Variants in PLA2G4C observed in about 807,000 individuals in gnomAD.
The protein encoded by PLA2G4C is phospholipase A2 group IVC.
Under a neutral mutation model 73.8 loss-of-function variants are expected in PLA2G4C, and 64 were observed. That is an observed-to-expected ratio of 0.87 (90% CI 0.71 to 1.07). The LOEUF is 1.07. Ranked by LOEUF, PLA2G4C falls within the 50% of genes least tolerant of loss-of-function variation. The pLI is 0.00. For missense variants in PLA2G4C, 622 were observed against 665.4 expected (o/e 0.93, Z 0.72); for synonymous variants, 254 against 252.1 (o/e 1.01, Z -0.07).
Position 48,054,920 on chromosome 19 carries a change from C to G in PLA2G4C, c.1387G>C (p.Val463Leu), listed in dbSNP as rs1246699381. 6.2e-7 allele frequency: 1 copy of G among 1,613,994 alleles called. No homozygotes were observed. Among genetic ancestry groups the G allele is most frequent in the South Asian group, 1.1e-5 (1 of 91,090 alleles). Residue 463 changes from valine (V) to leucine (L), a missense_variant, in exon 15 of 17, where the codon GTG (valine) becomes CTG (leucine). By Grantham distance (32) the Val-to-Leu change is conservative. Coordinates refer to ENST00000599921, the MANE Select transcript of PLA2G4C (RefSeq NM_003706.3). ...TTGAACAGGGGAAAATGCATCACCA[C>G]TGGTCCAGTTTCTCCTTTCAGGATG... ...CYILKGETGP[V>L]VMHFPLFNID...
intron 11 of PLA2G4C, among the ~76,000 whole-genome samples, chr19:48,075,544 T>TCA (rs1166714788): frequency 2.6e-5 from 4 of 151,822 alleles, no homozygotes; most frequent in South Asian, 4.2e-4. Context: ...TCTCTCTCTC[T>TCA]CACACACACA....
chr19:48,076,660 T>C (rs1490807472), intron 11 of PLA2G4C, among the ~76,000 whole-genome samples: 4 of 151,700 alleles, frequency 2.6e-5, no homozygotes, highest in Admixed American at 2.0e-4. Context: ...GGAGAATAGC[T>C]TGAACCTGGA....
chr19:48,100,641 G>A (rs1398154035), intron 4 of PLA2G4C, among the ~76,000 whole-genome samples: 2 of 143,548 alleles, frequency 1.4e-5, no homozygotes, highest in Non-Finnish European at 3.0e-5. Flanking sequence ...TGGGCGTGGT[G>A]GCTTACGCCT....
intron 13 of PLA2G4C, 80 bp from the exon 14 acceptor site, chr19:48,062,232 G>T: frequency 5.6e-6 from 7 of 1,251,498 alleles, no homozygotes; most frequent in Non-Finnish European, 7.6e-6. Context: ...CAGAGAGGGG[G>T]ATGGGAAAAT....
intron 10 of PLA2G4C, among the ~76,000 whole-genome samples, chr19:48,082,496 CTTTTTTT>C (rs66641645): frequency 9.4e-6 from 1 of 106,280 alleles, no homozygotes; most frequent in Non-Finnish European, 1.8e-5. Context: ...TTCTTTCTTT[CTTTTTTT>C]TTTTTTTTTT....
At chr19:48,106,991 T>C (rs369993183) in intron 1 of PLA2G4C, among the ~76,000 whole-genome samples, 1 of 152,092 alleles carries the variant, frequency 6.6e-6, no homozygotes, top group East Asian at 1.9e-4. Flanking sequence ...ATTACAGGCA[T>C]GCACCACCAT....
chr19:48,102,855 C>T (rs1417710359), intron 4 of PLA2G4C, among the ~76,000 whole-genome samples: 1 of 152,176 alleles, frequency 6.6e-6, no homozygotes, highest in Non-Finnish European at 1.5e-5. Flanking sequence ...GTGTCGCCCT[C>T]TCCATGAGGC....
chr19:48,057,483 C>CTTTTT (rs1171271257), intron 14 of PLA2G4C, among the ~76,000 whole-genome samples: 4 of 17,926 alleles, frequency 2.2e-4, no homozygotes, highest in Non-Finnish European at 2.1e-4. Flanking sequence ...TCTTCTTCTT[C>CTTTTT]TTTTTTTTTT....
chr19:48,082,038 G>C (rs2030607283), intron 10 of PLA2G4C, among the ~76,000 whole-genome samples: 1 of 148,112 alleles, frequency 6.8e-6, no homozygotes, highest in Admixed American at 6.7e-5. Context: ...ACGAGATCTT[G>C]CTACTGCACT....
At position 48,077,128 on chromosome 19, in the gene PLA2G4C, C is replaced by T. The variant is rs2030218684; in HGVS notation, c.898+643G>A. Among the ~76,000 whole-genome samples the T allele has an allele frequency of 3.3e-5, 5 of 152,236 alleles. No individual in the cohort carries two copies. In the South Asian group the frequency reaches 8.3e-4, roughly 25 times the overall value. ...GCCTCAGGCTGTTCCCATTTTCTGCCTCTGACACTTGGATCCTAGGCATAC... is the reference window on the plus strand; with the variant it reads ...GCCTCAGGCTGTTCCCATTTTCTGCTTCTGACACTTGGATCCTAGGCATAC... On this transcript the variant is annotated intron_variant, in intron 11 of 16. Transcript: ENST00000599921.
chr19:48,098,170 C>G lies in PLA2G4C; in HGVS notation c.537G>C (p.Leu179=). 1 of 1,613,828 alleles carries G rather than the reference C, an allele frequency of 6.2e-7. No homozygotes were observed. Among genetic ancestry groups the G allele is most frequent in the Non-Finnish European group, 8.5e-7 (1 of 1,179,874 alleles). ...CTCTTGCCTCCTGCCAGGAAGGTTG[C>G]AGGTCATTGTCAATGGCTGCAAATA... ...YPIFAAIDND[L]QPSWQEARAP... Residue 179 remains leucine, a synonymous_variant, in exon 6 of 17, where the codon CTG becomes CTC. Transcript: ENST00000599921.
intron 16 of PLA2G4C, among the ~76,000 whole-genome samples, chr19:48,050,398 C>G (rs902219172): frequency 6.6e-6 from 1 of 152,124 alleles, no homozygotes; most frequent in Non-Finnish European, 1.5e-5. Flanking sequence ...TACCTTGCGA[C>G]CCTGAGGTCA....
At chr19:48,067,730 C>T (rs1448708796) in intron 13 of PLA2G4C, 61 bp downstream of exon 13, 3 of 1,127,178 alleles carry the variant, frequency 2.7e-6, no homozygotes, top group Non-Finnish European at 4.1e-6. Flanking sequence ...ACCCCCTTCC[C>T]CTACTCCAGC....
intron 13 of PLA2G4C, among the ~76,000 whole-genome samples, chr19:48,062,859 G>A (rs1443333494): frequency 2.6e-5 from 4 of 152,146 alleles, no homozygotes; most frequent in Non-Finnish European, 5.9e-5. Context: ...ATGCACAACC[G>A]TGACACAGCC....
chr19:48,054,308 T>C (rs1213194375), intron 15 of PLA2G4C, among the ~76,000 whole-genome samples: 2 of 151,920 alleles, frequency 1.3e-5, no homozygotes, highest in African/African-American at 4.8e-5. Flanking sequence ...ATGGTATGTA[T>C]TTATTTATTT....
chr19:48,064,584 G>C (rs541185266), intron 13 of PLA2G4C, among the ~76,000 whole-genome samples: 1 of 152,302 alleles, frequency 6.6e-6, no homozygotes, highest in South Asian at 2.1e-4. Context: ...TTATGAATCT[G>C]TTCCCTTAAC....
intron 1 of PLA2G4C, chr19:48,106,809 C>T (rs1425355554): frequency 3.7e-6 from 2 of 542,614 alleles, no homozygotes; most frequent in Non-Finnish European, 6.6e-6. Context: ...GGTTTTTCCT[C>T]GCTCTTTCTC....
chr19:48,055,312 G>A (rs529000259), intron 14 of PLA2G4C, among the ~76,000 whole-genome samples: 2 of 151,186 alleles, frequency 1.3e-5, no homozygotes, highest in African/African-American at 4.9e-5. Flanking sequence ...GACTCAGAGG[G>A]CAAGGAAAAT....
At chr19:48,081,367 A>T (rs1316238589) in intron 10 of PLA2G4C, among the ~76,000 whole-genome samples, 2 of 152,210 alleles carry the variant, frequency 1.3e-5, no homozygotes, top group Non-Finnish European at 2.9e-5. Context: ...TCTCACTTAT[A>T]AGTGGGAGCT....
Sources: gnomAD v4.1 joint callset for allele counts (sites outside exome capture counted in the v4.1 genomes callset) on GRCh38, gnomAD v4.1.1 for gene constraint, MANE v1.5 for transcripts, NCBI Gene and HGNC (gene_info 2026-07-23, HGNC 2026-07-21) for gene names.